The following C12orf56 variants were observed in gnomAD, a reference collection of about 807,000 sequenced individuals.
C12orf56 encodes the protein uncharacterized protein C12orf56.
Under a neutral mutation model 69.9 loss-of-function variants are expected in C12orf56, and 71 were observed. That is an observed-to-expected ratio of 1.02 (90% CI 0.84 to 1.24). The LOEUF is 1.24. Ranked by LOEUF, C12orf56 falls within the 50% of genes most tolerant of loss-of-function variation. The pLI, the probability that C12orf56 is intolerant of heterozygous loss-of-function variation, is 0.00. For synonymous variants in C12orf56, 276 were observed against 274.1 expected, an observed-to-expected ratio of 1.01 and a Z score of -0.07; for missense variants, 732 against 738.5, an observed-to-expected ratio of 0.99 and a Z score of 0.10.
At position 64,353,060 on chromosome 12, in the gene C12orf56, GA is replaced by G. The variant is rs757373289; in HGVS notation, c.253-5del. On this transcript the variant is annotated splice_polypyrimidine_tract_variant and splice_region_variant and intron_variant, in intron 1 of 12. Coordinates refer to ENST00000543942, the MANE Select transcript of C12orf56 (RefSeq NM_001170633.2). ...AAAATTCCGGGTAATCATCAATCTG[GA>G]AAAAAAATTAATTCACCTCATTGAA... 1.2e-5 allele frequency: 19 copies of G among 1,602,830 alleles called. No individual in the cohort carries two copies. In the Admixed American group the frequency reaches 2.3e-4, roughly 19 times the overall value.
At chr12:64,271,091 G>A (rs941182939) in intron 11 of C12orf56, among the ~76,000 whole-genome samples, 2 of 151,960 alleles carry the variant, frequency 1.3e-5, no homozygotes, top group African/African-American at 2.4e-5. Context: ...GCTTAATTCG[G>A]GAGGCAGAGG....
chr12:64,276,849 C>T (rs2038056722), intron 9 of C12orf56, among the ~76,000 whole-genome samples: 1 of 151,716 alleles, frequency 6.6e-6, no homozygotes, highest in Admixed American at 6.6e-5. Flanking sequence ...CAAAAATTAG[C>T]CAGGCGTGGT....
intron 3 of C12orf56, among the ~76,000 whole-genome samples, chr12:64,324,233 A>G (rs1184289276): frequency 6.6e-6 from 1 of 152,250 alleles, no homozygotes; most frequent in African/African-American, 2.4e-5. Context: ...GCACTGGGCC[A>G]ACACTAGAAA....
At position 64,277,728 on chromosome 12, in the gene C12orf56, G is replaced by T. The variant is rs1468769730; in HGVS notation, c.1386C>A (p.Ile462=). Residue 462 remains isoleucine, a synonymous_variant, in exon 9 of 13, where the codon ATC becomes ATA. Coordinates refer to ENST00000543942, the MANE Select transcript of C12orf56 (RefSeq NM_001170633.2). ...CTAAAGCTGAATCAGCCACCAACTG[G>T]ATATCAAACACAGGACAAGATTTTG... ...QIPKSCPVFD[I]QLVADSALVR... 4.4e-6 allele frequency: 7 copies of T among 1,600,400 alleles called. No individual in the cohort carries two copies. Among genetic ancestry groups the T allele is most frequent in the Admixed American group, 1.7e-5 (1 of 59,462 alleles).
At chr12:64,269,095 A>G (rs990939142) in intron 12 of C12orf56, among the ~76,000 whole-genome samples, 1 of 151,534 alleles carries the variant, frequency 6.6e-6, no homozygotes, top group African/African-American at 2.4e-5. Context: ...AGCCGAGATC[A>G]CAGCACTACA....
At chr12:64,331,112 A>G in intron 2 of C12orf56, 80 bp from the exon 3 acceptor site, 2 of 1,169,492 alleles carry the variant, frequency 1.7e-6, no homozygotes, top group Admixed American at 2.5e-5. Context: ...TCATGTACTG[A>G]TTAAATGACT....
chr12:64,373,327 G>T (rs1303167053), intron 1 of C12orf56, among the ~76,000 whole-genome samples: 1 of 152,144 alleles, frequency 6.6e-6, no homozygotes, highest in African/African-American at 2.4e-5. Flanking sequence ...GTGGTGGCAT[G>T]TACTTGTAGT....
intron 1 of C12orf56, among the ~76,000 whole-genome samples, chr12:64,385,850 CCT>C (rs1398851932): frequency 1.3e-5 from 2 of 152,108 alleles, no homozygotes; most frequent in Non-Finnish European, 2.9e-5. Context: ...TTGTGATTCC[CCT>C]GTCTTGATAA....
chr12:64,274,884 G>A lies in C12orf56; in HGVS notation c.1584+17C>T, dbSNP rs2038030369. The A allele has an allele frequency of 6.3e-7, 1 of 1,583,620 alleles. No individual in the cohort carries two copies. On this transcript the variant is annotated intron_variant, in intron 11 of 12. Transcript: ENST00000543942. ...TTAGGCTTGGGGGTGATTTCGTTTTGACTTCTAGATACTTACGATGGGAGG... is the reference window on the plus strand; with the variant it reads ...TTAGGCTTGGGGGTGATTTCGTTTTAACTTCTAGATACTTACGATGGGAGG...
At chr12:64,351,600 C>A (rs73311879) in intron 2 of C12orf56, among the ~76,000 whole-genome samples, 1 of 152,098 alleles carries the variant, frequency 6.6e-6, no homozygotes, top group African/African-American at 2.4e-5. Flanking sequence ...CATATATTCC[C>A]AGCCCCTAGT....
chr12:64,390,255 G>T (rs1016107225), intron 1 of C12orf56, 59 bp downstream of exon 1: 4 of 1,518,310 alleles, frequency 2.6e-6, no homozygotes, highest in Admixed American at 2.1e-5. Flanking sequence ...GGGTTTGGGG[G>T]CCCCAGCCGG....
chr12:64,339,452 A>G (rs2039044452), intron 2 of C12orf56, among the ~76,000 whole-genome samples: 2 of 152,202 alleles, frequency 1.3e-5, no homozygotes, highest in Admixed American at 1.3e-4. Context: ...GGAGGGGTGC[A>G]AAGCCTCCAT....
Position 64,379,576 on chromosome 12 carries a change from G to A in C12orf56, c.252+10738C>T, listed in dbSNP as rs142923131. On this transcript the variant is annotated intron_variant, in intron 1 of 12. Coordinates refer to ENST00000543942, the MANE Select transcript of C12orf56 (RefSeq NM_001170633.2). ...GCTGGGATTACAGGTGTGAGCCACC[G>A]CGCCCAGCCTGAATGCAATTTTCAT... Among the ~76,000 whole-genome samples, 491 of 151,524 alleles carry A rather than the reference G, an allele frequency of 3.2e-3. 5 individuals carry two copies. The highest frequency in any genetic ancestry group is 0.011 in the African/African-American group (467 of 41,308).
chr12:64,313,190 G>A (rs1161937578), intron 4 of C12orf56, among the ~76,000 whole-genome samples: 7 of 149,794 alleles, frequency 4.7e-5, no homozygotes, highest in Admixed American at 2.0e-4. Context: ...TGAACCCGGG[G>A]GGCGGAGCTT....
At chr12:64,375,204 C>T (rs1281283667) in intron 1 of C12orf56, among the ~76,000 whole-genome samples, 1 of 151,884 alleles carries the variant, frequency 6.6e-6, no homozygotes, top group Admixed American at 6.6e-5. Context: ...AGTACAGGCC[C>T]GTGCCACCAT....
intron 3 of C12orf56, among the ~76,000 whole-genome samples, chr12:64,328,129 A>G (rs1272639883): frequency 6.6e-6 from 1 of 152,110 alleles, no homozygotes; most frequent in Non-Finnish European, 1.5e-5. Context: ...CAGTGAGAAA[A>G]GGCCCCTCCC....
rs1408880682 is a variant in C12orf56, at chr12:64,308,939, AGAAGAAAGAAAGAAAGAAAG to A, written c.968+3720_968+3739del. 1.5e-4 allele frequency among the ~76,000 whole-genome samples: 4 copies of A among 26,412 alleles called. No individual in the cohort carries two copies. In the Admixed American group the frequency reaches 1.7e-3, roughly 11 times the overall value. 17.3% of individuals were successfully genotyped at this position (26,412 alleles called of 152,430 possible). ...AAGAAAGAAAGAAAGAAAGAAAGAA[AGAAGAAAGAAAGAAAGAAAG>A]AAAGAAAGAAAGAAAAGAAAGAAAG... On this transcript the variant is annotated intron_variant, in intron 5 of 12. Transcript: ENST00000543942.
At chr12:64,330,830 A>G in intron 3 of C12orf56, 130 bp downstream of exon 3, 1 of 643,290 alleles carries the variant, frequency 1.6e-6, no homozygotes, top group Non-Finnish European at 2.6e-6. Context: ...TTTCTTCCTT[A>G]TTGCATATGT....
At chr12:64,337,919 C>G (rs1034209981) in intron 2 of C12orf56, among the ~76,000 whole-genome samples, 1 of 151,024 alleles carries the variant, frequency 6.6e-6, no homozygotes, top group African/African-American at 2.4e-5. Flanking sequence ...CTCTTTATAC[C>G]AGGGAGAGGA....
Sources: allele counts gnomAD v4.1 joint callset (sites outside exome capture counted in the v4.1 genomes callset), GRCh38; gene constraint gnomAD v4.1.1; transcripts MANE v1.5; gene names NCBI Gene and HGNC (gene_info 2026-07-23, HGNC 2026-07-21).